Variants in SP4 observed in about 807,000 individuals in gnomAD.
SP4 encodes the protein Sp4 transcription factor.
SP4 carries 19 observed loss-of-function variants against 72.8 expected under a neutral mutation model. The ratio of observed to expected loss-of-function variants is 0.26; its 90% confidence interval spans 0.18 to 0.38. The LOEUF is 0.38. Ranked by LOEUF, SP4 falls within the 10% of genes least tolerant of loss-of-function variation. SP4 has a pLI of 1.00. For missense variants in SP4, 1,008 were observed against 926.3 expected, an observed-to-expected ratio of 1.09 and a Z score of -1.14; for synonymous variants, 395 against 333.1, an observed-to-expected ratio of 1.19 and a Z score of -2.02.
chr7:21,513,555 A>G lies in SP4; in HGVS notation c.*2286A>G, dbSNP rs562872945. On this transcript the variant is annotated 3_prime_UTR_variant, in exon 6 of 6. Coordinates refer to ENST00000222584, the MANE Select transcript of SP4 (RefSeq NM_003112.5). ...GAAACATCAAATATATATTTTATCTATCATTATGCTACACAATCAGTGCTA... is the reference window on the plus strand; with the variant it reads ...GAAACATCAAATATATATTTTATCTGTCATTATGCTACACAATCAGTGCTA... The G allele has an allele frequency of 2.0e-5, 3 of 152,570 alleles. No homozygotes were observed. The highest frequency in any genetic ancestry group is 2.1e-4 in the South Asian group (1 of 4,832). The allele number at this position is 152,570 out of a possible 1,614,324, so 9.5% of individuals were successfully genotyped here.
At chr7:21,502,208 C>T (rs996192552) in intron 5 of SP4, among the ~76,000 whole-genome samples, 18 of 152,064 alleles carry the variant, frequency 1.2e-4, no homozygotes, top group African/African-American at 3.6e-4. Flanking sequence ...TCCAATTGGA[C>T]GGTAACAACT....
At chr7:21,471,870 A>G (rs76075586) in intron 3 of SP4, among the ~76,000 whole-genome samples, 2,066 of 152,302 alleles carry the variant, frequency 0.014, 48 homozygotes, top group East Asian at 0.08. Flanking sequence ...TATTTAGCCC[A>G]TAGGGATGTG....
chr7:21,473,616 G>A (rs1358595807), intron 3 of SP4, among the ~76,000 whole-genome samples: 1 of 152,186 alleles, frequency 6.6e-6, no homozygotes, highest in Non-Finnish European at 1.5e-5. Context: ...GATATATTGA[G>A]GGGAGCTTTT....
At chr7:21,502,381 G>A (rs1781893464) in intron 5 of SP4, among the ~76,000 whole-genome samples, 1 of 152,150 alleles carries the variant, frequency 6.6e-6, no homozygotes, top group Non-Finnish European at 1.5e-5. Flanking sequence ...GGAGAGGCAA[G>A]AGGAGTAGTT....
chr7:21,462,590 A>G (rs561327974), intron 3 of SP4, among the ~76,000 whole-genome samples: 1 of 152,030 alleles, frequency 6.6e-6, no homozygotes, highest in Non-Finnish European at 1.5e-5. Flanking sequence ...ATTGGTCCTG[A>G]GAAGAGATCA....
At chr7:21,475,742 T>C (rs1318195575) in intron 3 of SP4, among the ~76,000 whole-genome samples, 1 of 152,208 alleles carries the variant, frequency 6.6e-6, no homozygotes. Flanking sequence ...ATTTTATTCT[T>C]GTATTGCCAC....
In SP4 at chr7:21,430,484, C is replaced by T; in HGVS notation, c.1319C>T (p.Pro440Leu). 6.2e-7 allele frequency: 1 copy of T among 1,614,236 alleles called. No individual in the cohort carries two copies. Among genetic ancestry groups the T allele is most frequent in the Non-Finnish European group, 8.5e-7 (1 of 1,180,040 alleles). The change falls in exon 3 of 6, where the codon CCT (proline) becomes CTT (leucine). Residue 440 changes from proline to leucine, a missense_variant. Transcript: ENST00000222584. ...GQTIQTIQQQ[P>L]LQNVQLQAVN... ...ACGATTCAGACCATCCAGCAGCAGC[C>T]TTTACAGAATGTTCAACTTCAAGCA...
At chr7:21,475,751 A>G (rs2128408965) in intron 3 of SP4, among the ~76,000 whole-genome samples, 1 of 152,320 alleles carries the variant, frequency 6.6e-6, no homozygotes, top group South Asian at 2.1e-4. Flanking sequence ...TTGTATTGCC[A>G]CTGAACTCAG....
chr7:21,466,415 A>G (rs929210042), intron 3 of SP4, among the ~76,000 whole-genome samples: 58 of 152,174 alleles, frequency 3.8e-4, no homozygotes, highest in African/African-American at 1.2e-3. Context: ...ACATTATGCT[A>G]AGACGTGTGC....
chr7:21,507,366 T>G (rs1289444098), intron 5 of SP4, among the ~76,000 whole-genome samples: 1 of 152,234 alleles, frequency 6.6e-6, no homozygotes, highest in African/African-American at 2.4e-5. Context: ...GGATAAGGAT[T>G]TAGAGGAGCA....
At chr7:21,482,240 T>C in intron 5 of SP4, 117 bp downstream of exon 5, 4 of 737,460 alleles carry the variant, frequency 5.4e-6, no homozygotes, top group Non-Finnish European at 9.1e-6. Flanking sequence ...AGGCATTTAC[T>C]TTAGCAATTA....
intron 3 of SP4, among the ~76,000 whole-genome samples, chr7:21,455,828 C>T (rs1424631862): frequency 6.6e-6 from 1 of 152,206 alleles, no homozygotes; most frequent in Non-Finnish European, 1.5e-5. Flanking sequence ...GTGACTCTCA[C>T]TTGCAGCATT....
intron 3 of SP4, 27 bp downstream of exon 3, chr7:21,430,870 C>G (rs76475179): frequency 2.7e-6 from 4 of 1,484,684 alleles, no homozygotes; most frequent in African/African-American, 1.4e-5. Flanking sequence ...TTTTAAGTAC[C>G]TTTTAAATAG....
At chr7:21,495,907 A>G (rs1392519302) in intron 5 of SP4, among the ~76,000 whole-genome samples, 1 of 152,124 alleles carries the variant, frequency 6.6e-6, no homozygotes. Flanking sequence ...TTGGAGTACT[A>G]CTCCCCAACA....
intron 3 of SP4, among the ~76,000 whole-genome samples, chr7:21,449,570 T>C (rs1783528482): frequency 6.6e-6 from 1 of 152,224 alleles, no homozygotes; most frequent in African/African-American, 2.4e-5. Flanking sequence ...TGTTTAAGTA[T>C]ACGTGTGTGT....
intron 3 of SP4, among the ~76,000 whole-genome samples, chr7:21,453,706 T>C (rs1562596553): frequency 6.6e-6 from 1 of 152,210 alleles, no homozygotes; most frequent in Non-Finnish European, 1.5e-5. Flanking sequence ...GTCATAGACC[T>C]TTTATAACCC....
intron 5 of SP4, among the ~76,000 whole-genome samples, chr7:21,490,678 C>G (rs774064762): frequency 1.3e-5 from 2 of 149,816 alleles, no homozygotes; most frequent in Non-Finnish European, 3.0e-5. Flanking sequence ...GTGTGTAGAT[C>G]AAAAGAAGTC....
In SP4 at chr7:21,472,543, T is replaced by C. The variant is rs142664920; in HGVS notation, c.1679-4536T>C. ...CCTGGGCTCAAGCAGTCCTCCTGCC[T>C]CGGCCTCCCAAAGTGCGGGGATTAC... is the stretch of plus-strand genomic sequence containing the variant. On this transcript the variant is annotated intron_variant, in intron 3 of 5. Transcript: ENST00000222584. 4.3e-3 allele frequency among the ~76,000 whole-genome samples: 651 copies of C among 152,072 alleles called. 3 individuals are homozygous for C. Among genetic ancestry groups the C allele is most frequent in the African/African-American group, 0.015 (605 of 41,512 alleles).
At chr7:21,483,271 T>C (rs928868904) in intron 5 of SP4, among the ~76,000 whole-genome samples, 1 of 151,996 alleles carries the variant, frequency 6.6e-6, no homozygotes, top group South Asian at 2.1e-4. Flanking sequence ...TTCAGAAGTT[T>C]TCCTTATTTA....
Sources: gnomAD v4.1 joint callset for allele counts (sites outside exome capture counted in the v4.1 genomes callset) on GRCh38, gnomAD v4.1.1 for gene constraint, MANE v1.5 for transcripts, NCBI Gene and HGNC (gene_info 2026-07-23, HGNC 2026-07-21) for gene names.